The following URGCP variants were observed in gnomAD, a reference collection of about 807,000 sequenced individuals.
URGCP encodes up-regulator of cell proliferation.
In URGCP, 13 loss-of-function variants were observed where a neutral mutation model predicts 24.6. The observed-to-expected ratio is 0.53, with a 90% confidence interval of 0.34 to 0.84. The LOEUF is 0.84. URGCP is among the 40% of genes least tolerant of loss of function. URGCP has a pLI of 0.01. For synonymous variants in URGCP, 444 were observed against 487.2 expected (o/e 0.91, Z 1.17); for missense variants, 899 against 1,194.3 (o/e 0.75, Z 3.64).
At position 43,878,033 on chromosome 7, in the gene URGCP, T is replaced by C; in HGVS notation, c.1430A>G (p.Glu477Gly). 1 of 1,614,208 alleles carries C rather than the reference T, an allele frequency of 6.2e-7. No homozygotes were observed. The highest frequency in any genetic ancestry group is 8.5e-7 in the Non-Finnish European group (1 of 1,180,044). ...GTCTTTGATTTTCCTGGTAATCCTC[T>C]CCATCCGGTCTTTCGCTTTCTGACA... ...EECQKAKDRM[E>G]RITRKIKDSD... Residue 477 changes from glutamate to glycine, a missense_variant, in exon 6 of 6, where the codon GAG (glutamate) becomes GGG (glycine). Glu to Gly is a moderately conservative substitution (Grantham distance 98, BLOSUM62 -2). Transcript: ENST00000453200. The surrounding 1 kb of genome is among the most constrained non-coding windows in gnomAD (Gnocchi z 5.6).
upstream of URGCP, among the ~76,000 whole-genome samples, chr7:43,911,199 G>A (rs1255580550): frequency 1.3e-5 from 2 of 151,252 alleles, no homozygotes; most frequent in Non-Finnish European, 2.9e-5. Flanking sequence ...TCAGGAGTTC[G>A]AGACCAGTAG....
Position 43,878,871 on chromosome 7 carries a change from G to A in URGCP, c.592C>T (p.Leu198=), listed in dbSNP as rs2095849734. Reference sequence around the variant, plus strand: ...ATTTTCAACGCTATTTCTTGTTGCAGGAAACTGTCTGAGGAGAGCAGCAGG... The same window carrying A: ...ATTTTCAACGCTATTTCTTGTTGCAAGAAACTGTCTGAGGAGAGCAGCAGG... ...CALLLSSDSF[L]QQEIALKMAL... Residue 198 remains leucine, a synonymous_variant, in exon 6 of 6, where the codon CTG becomes TTG. Coordinates refer to ENST00000453200, the MANE Select transcript of URGCP (RefSeq NM_001077663.3). The surrounding 1 kb of genome is among the most constrained non-coding windows in gnomAD (Gnocchi z 5.6). 1.2e-6 allele frequency: 2 copies of A among 1,614,214 alleles called. No homozygotes were observed. Among genetic ancestry groups the A allele is most frequent in the Non-Finnish European group, 8.5e-7 (1 of 1,180,042 alleles).
In URGCP at chr7:43,878,605, G is replaced by A; in HGVS notation, c.858C>T (p.Gly286=). The part of the protein sequence containing the change: ...SQLLNAVLSP[G]HRQWDCFWHR... ...GCCAGAAGCAGTCCCACTGCCTGTGGCCCGGGCTGAGGACGGCGTTGAGAA... is the reference window on the plus strand; with the variant it reads ...GCCAGAAGCAGTCCCACTGCCTGTGACCCGGGCTGAGGACGGCGTTGAGAA... The change falls in exon 6 of 6, where the codon GGC becomes GGT. Residue 286 remains glycine, a synonymous_variant. Transcript: ENST00000453200. The surrounding 1 kb of genome is among the most constrained non-coding windows in gnomAD (Gnocchi z 5.6). The A allele has an allele frequency of 1.2e-6, 2 of 1,614,006 alleles. No homozygotes were observed. The highest frequency in any genetic ancestry group is 1.7e-6 in the Non-Finnish European group (2 of 1,180,054).
chr7:43,907,343 A>G (rs1319500304), upstream of URGCP, among the ~76,000 whole-genome samples: 2 of 152,138 alleles, frequency 1.3e-5, no homozygotes, highest in Non-Finnish European at 2.9e-5. Flanking sequence ...ATTATATTAA[A>G]TATCACTGGC....
At chr7:43,914,476 G>C (rs1008507557) in intron 1 of URGCP, among the ~76,000 whole-genome samples, 3 of 152,180 alleles carry the variant, frequency 2.0e-5, no homozygotes, top group African/African-American at 7.2e-5. Flanking sequence ...CTGTACTCCA[G>C]CCTGGGTGGC....
chr7:43,914,999 G>C (rs2095913999), intron 1 of URGCP, among the ~76,000 whole-genome samples: 1 of 152,210 alleles, frequency 6.6e-6, no homozygotes, highest in African/African-American at 2.4e-5. Flanking sequence ...ACTGAAGAAT[G>C]GGGGTGGAGC....
intron 1 of URGCP, chr7:43,918,721 A>G: frequency 1.4e-6 from 1 of 731,606 alleles, no homozygotes; most frequent in South Asian, 1.6e-5. Context: ...CATCACCCAC[A>G]ATTGGGCCAG....
At chr7:43,926,627 G>A (rs1377274190), upstream of URGCP, 45 of 1,466,590 alleles carry the variant, frequency 3.1e-5, no homozygotes, top group Non-Finnish European at 3.7e-5. Flanking sequence ...CGCCGCTGCC[G>A]TGAAGTGAAA....
At chr7:43,913,684 GTTTTA>G (rs936586303) in intron 1 of URGCP, among the ~76,000 whole-genome samples, 23 of 151,878 alleles carry the variant, frequency 1.5e-4, no homozygotes, top group African/African-American at 1.4e-4. Context: ...GCTTTCGAAA[GTTTTA>G]TTTTATTTCA....
At chr7:43,922,898 T>A (rs187456894) in intron 1 of URGCP, among the ~76,000 whole-genome samples, 1 of 151,016 alleles carries the variant, frequency 6.6e-6, no homozygotes, top group South Asian at 2.1e-4. Flanking sequence ...TTCTTTCTCT[T>A]TCTTTCTTTC....
chr7:43,923,270 C>A (rs941126918), intron 1 of URGCP, among the ~76,000 whole-genome samples: 6 of 146,484 alleles, frequency 4.1e-5, no homozygotes, highest in African/African-American at 1.5e-4. Flanking sequence ...GTGTGAGCCA[C>A]TGTGCCCAGC....
At chr7:43,925,071 T>C (rs185731274) in intron 1 of URGCP, among the ~76,000 whole-genome samples, 31 of 152,276 alleles carry the variant, frequency 2.0e-4, no homozygotes, top group African/African-American at 7.0e-4. Context: ...GATCCTGGAT[T>C]TTGAAGGCCC....
upstream of URGCP, among the ~76,000 whole-genome samples, chr7:43,907,857 T>C (rs1486810414): frequency 6.6e-6 from 1 of 152,218 alleles, no homozygotes; most frequent in East Asian, 1.9e-4. Context: ...TGAGCCTCCT[T>C]GTCCTCTTCG....
chr7:43,897,578 GGAAGA>G (rs2095881069), intron 1 of URGCP, among the ~76,000 whole-genome samples: 1 of 151,912 alleles, frequency 6.6e-6, no homozygotes, highest in Non-Finnish European at 1.5e-5. Context: ...GGGAGGAAGA[GGAAGA>G]GAAAAAAAAT....
chr7:43,881,561 CT>C lies in URGCP; in HGVS notation c.202+97del, dbSNP rs2095853916. ...GGCATCCTAAACCTGAGTGCTCTGC[CT>C]CCCCAGGTGATTTGATACAGTCAGG... On this transcript the variant is annotated intron_variant, in intron 5 of 5. Transcript: ENST00000453200. The C allele has an allele frequency of 4.5e-6, 7 of 1,545,796 alleles. No individual in the cohort carries two copies. In the South Asian group the frequency reaches 8.1e-5, roughly 18 times the overall value.
rs1233999690 is a variant in URGCP at position 43,906,380 on chromosome 7, G to T, written c.14+182C>A. 6.4e-6 allele frequency: 3 copies of T among 470,976 alleles called. 1 individual carries two copies. The highest frequency in any genetic ancestry group is 7.0e-6 in the Non-Finnish European group (3 of 429,578). The allele number at this position is 470,976 out of a possible 1,614,324, so 29.2% of individuals were successfully genotyped here. ...CCCGCCCGCCCCCCACGCCCGCGCG[G>T]CCGGTCCGCCCAAGGTCGGCGCGAG... On this transcript the variant is annotated intron_variant, in intron 1 of 5. Coordinates refer to ENST00000453200, the MANE Select transcript of URGCP (RefSeq NM_001077663.3).
chr7:43,881,754 C>T, intron 4 of URGCP, 57 bp from the exon 5 acceptor site: 1 of 1,613,252 alleles, frequency 6.2e-7, no homozygotes, highest in Non-Finnish European at 8.5e-7. Context: ...CCTTGGCTGA[C>T]ACAAATTAAT....
At position 43,878,817 on chromosome 7, in the gene URGCP, C is replaced by G; in HGVS notation, c.646G>C (p.Val216Leu). ...TAGTGGTTCTCCGAGTCAGGCAACA[C>G]GAGTGGGAGTGCAAACTGGCAGAGG... ...MALCQFALPL[V>L]LPDSENHYHT... Residue 216 changes from valine to leucine, a missense_variant, in exon 6 of 6, where the codon GTG (valine) becomes CTG (leucine). Val to Leu is a conservative substitution (Grantham distance 32). Transcript: ENST00000453200. This position sits in a 1 kb window ranked among gnomAD's most constrained non-coding sequence, Gnocchi z 5.6. 1 of 1,614,058 alleles carries G rather than the reference C, an allele frequency of 6.2e-7. No homozygotes were observed. The highest frequency in any genetic ancestry group is 8.5e-7 in the Non-Finnish European group (1 of 1,179,964).
intron 1 of URGCP, chr7:43,905,966 C>T (rs535581260): frequency 1.3e-5 from 2 of 152,270 alleles, no homozygotes; most frequent in Admixed American, 1.3e-4. Flanking sequence ...AAAATAAGCG[C>T]AGCCACCCCA....
Sources: gnomAD v4.1 joint callset for allele counts (sites outside exome capture counted in the v4.1 genomes callset) on GRCh38, gnomAD v4.1.1 for gene constraint, Gnocchi (gnomAD v3.1) non-coding constraint, MANE v1.5 for transcripts, NCBI Gene and HGNC (gene_info 2026-07-23, HGNC 2026-07-21) for gene names.